Variants in GRK3 observed in about 807,000 individuals in gnomAD.
GRK3 encodes the protein adrenergic, beta, receptor kinase 2.
GRK3 carries 54 observed loss-of-function variants against 95.7 expected under a neutral mutation model. The observed-to-expected ratio is 0.56, with a 90% CI of 0.45 to 0.71. The LOEUF is 0.71. GRK3 is among the 30% of genes least tolerant of loss of function. The pLI is 0.00. For missense variants in GRK3, 649 were observed against 851.2 expected, an observed-to-expected ratio of 0.76 and a Z score of 2.96; for synonymous variants, 281 against 290.8, an observed-to-expected ratio of 0.97 and a Z score of 0.34.
chr22:25,648,973 C>T (rs2084808189), intron 3 of GRK3: 1 of 989,088 alleles, frequency 1.0e-6, no homozygotes, highest in Middle Eastern at 2.1e-4. Context: ...GGTGTCTGCT[C>T]ATTTGGAATT....
chr22:25,697,497 C>T (rs370434363), intron 13 of GRK3, among the ~76,000 whole-genome samples: 66 of 152,218 alleles, frequency 4.3e-4, no homozygotes, highest in African/African-American at 1.5e-3. Flanking sequence ...TGAGGATGGC[C>T]GTGAGGCTGG....
At chr22:25,599,509 G>A (rs1193363981) in intron 1 of GRK3, among the ~76,000 whole-genome samples, 1 of 150,866 alleles carries the variant, frequency 6.6e-6, no homozygotes. Flanking sequence ...GGAGAATGAT[G>A]TGAACCCGGG....
intron 3 of GRK3, among the ~76,000 whole-genome samples, chr22:25,658,239 A>G (rs2084886159): frequency 6.6e-6 from 1 of 152,178 alleles, no homozygotes; most frequent in Non-Finnish European, 1.5e-5. Flanking sequence ...CATCTGTAGA[A>G]TAATTTTAGC....
At chr22:25,705,657 T>A (rs1446951111) in intron 15 of GRK3, among the ~76,000 whole-genome samples, 1 of 152,126 alleles carries the variant, frequency 6.6e-6, no homozygotes, top group Non-Finnish European at 1.5e-5. Context: ...GTGGACTTTG[T>A]TTTTCCATGA....
In GRK3 at chr22:25,652,577, T is replaced by C. The variant is rs370635010; in HGVS notation, c.264+7912T>C. On this transcript the variant is annotated intron_variant, in intron 3 of 20. Transcript: ENST00000324198. ...AAAATATTTTAAGTTTCTAGGATTA[T>C]TGGGGGTTAGTGTAAGTAATAATTT... Among the ~76,000 whole-genome samples, 22 of 152,298 alleles carry C rather than the reference T, an allele frequency of 1.4e-4. No individual in the cohort carries two copies. The East Asian group carries it at 3.9e-3, about 27-fold the overall frequency.
intron 1 of GRK3, among the ~76,000 whole-genome samples, chr22:25,573,399 A>G (rs1264505598): frequency 6.6e-6 from 1 of 152,222 alleles, no homozygotes. Flanking sequence ...AAAATTCATT[A>G]TACCAGTTTG....
intron 2 of GRK3, among the ~76,000 whole-genome samples, chr22:25,641,693 A>G (rs2084744342): frequency 6.6e-6 from 1 of 152,200 alleles, no homozygotes; most frequent in Admixed American, 6.5e-5. Flanking sequence ...CTGTTCATTT[A>G]GAAGATCCAG....
chr22:25,584,403 AG>A (rs1932216386), intron 1 of GRK3, among the ~76,000 whole-genome samples: 1 of 152,252 alleles, frequency 6.6e-6, no homozygotes, highest in African/African-American at 2.4e-5. Context: ...TGGGTCCCTT[AG>A]TACCTGGCTT....
At position 25,721,330 on chromosome 22, in the gene GRK3, A is replaced by G. The variant is rs768031846; in HGVS notation, c.1838A>G (p.Gln613Arg). 1.2e-6 allele frequency: 2 copies of G among 1,607,672 alleles called. No individual in the cohort carries two copies. Among genetic ancestry groups the G allele is most frequent in the South Asian group, 1.1e-5 (1 of 89,600 alleles). Residue 613 changes from glutamine (Q) to arginine (R), a missense_variant, in exon 20 of 21, where the codon CAA becomes CGA. This residue lies in a region of GRK3 where 382 missense variants were observed against 493.8 expected (regional missense o/e 0.77). Coordinates refer to ENST00000324198, the MANE Select transcript of GRK3 (RefSeq NM_005160.4). The part of the protein sequence containing the change: ...MEQILSVEET[Q>R]IKDKKCILFR... Reference sequence around the variant, plus strand: ...CAGATTCTCTCTGTGGAAGAAACTCAAATTAAAGACAAAAAATGCATTTTG... The same window carrying G: ...CAGATTCTCTCTGTGGAAGAAACTCGAATTAAAGACAAAAAATGCATTTTG...
intron 2 of GRK3, among the ~76,000 whole-genome samples, chr22:25,631,416 G>C (rs1375419951): frequency 3.9e-5 from 6 of 152,200 alleles, no homozygotes; most frequent in African/African-American, 1.4e-4. Flanking sequence ...AACTATGCAA[G>C]TGATCAGGCT....
chr22:25,699,330 G>A (rs1385075228), intron 13 of GRK3, among the ~76,000 whole-genome samples: 2 of 152,162 alleles, frequency 1.3e-5, no homozygotes, highest in African/African-American at 4.8e-5. Flanking sequence ...TGACTAGGCA[G>A]GGTCTCTGAG....
chr22:25,644,209 T>C (rs1483139736), intron 2 of GRK3, among the ~76,000 whole-genome samples: 1 of 151,934 alleles, frequency 6.6e-6, no homozygotes, highest in East Asian at 1.9e-4. Flanking sequence ...TTTATTAGTG[T>C]CTTGGTGATT....
intron 19 of GRK3, 136 bp downstream of exon 19, chr22:25,718,517 T>C: frequency 9.8e-7 from 1 of 1,025,192 alleles, no homozygotes; most frequent in Non-Finnish European, 1.4e-6. Context: ...CATGAGATTG[T>C]AATGTGCAAA....
chr22:25,592,508 T>C (rs1932527576), intron 1 of GRK3, among the ~76,000 whole-genome samples: 1 of 152,190 alleles, frequency 6.6e-6, no homozygotes, highest in Non-Finnish European at 1.5e-5. Context: ...TTTTCTCTTA[T>C]TATTCATGTT....
intron 3 of GRK3, among the ~76,000 whole-genome samples, chr22:25,657,416 A>T (rs367669733): frequency 6.6e-6 from 1 of 152,154 alleles, no homozygotes; most frequent in Non-Finnish European, 1.5e-5. Context: ...TCCATATGAA[A>T]TGTGTCTATC....
chr22:25,700,537 C>A (rs1013713714), intron 13 of GRK3, among the ~76,000 whole-genome samples: 3 of 152,182 alleles, frequency 2.0e-5, no homozygotes, highest in African/African-American at 7.2e-5. Flanking sequence ...TTGGCAACTA[C>A]TGGCTTAGGT....
intron 13 of GRK3, among the ~76,000 whole-genome samples, chr22:25,699,323 C>G (rs967582023): frequency 6.6e-6 from 1 of 152,114 alleles, no homozygotes; most frequent in Non-Finnish European, 1.5e-5. Context: ...AGGAGATTGA[C>G]TAGGCAGGGT....
At chr22:25,572,224 A>G (rs1448780858) in intron 1 of GRK3, among the ~76,000 whole-genome samples, 1 of 152,184 alleles carries the variant, frequency 6.6e-6, no homozygotes, top group African/African-American at 2.4e-5. Flanking sequence ...TCCATGGTGT[A>G]TATGTGCCAG....
At chr22:25,647,579 C>T in intron 3 of GRK3, 7 of 1,559,168 alleles carry the variant, frequency 4.5e-6, no homozygotes, top group Non-Finnish European at 5.3e-6. Flanking sequence ...GAAGCTAGAA[C>T]TACAGAAGAC....
Sources: allele counts gnomAD v4.1 joint callset (sites outside exome capture counted in the v4.1 genomes callset), GRCh38; gene constraint gnomAD v4.1.1; regional missense constraint gnomAD v4.1.1; transcripts MANE v1.5; gene names NCBI Gene and HGNC (gene_info 2026-07-23, HGNC 2026-07-21).